LARS2: variants seen among roughly 807,000 people sequenced by gnomAD.
LARS2 encodes the protein leucyl-tRNA synthetase 2, mitochondrial, also known as leucine--tRNA ligase, mitochondrial.
Under a neutral mutation model 116.6 loss-of-function variants are expected in LARS2, and 81 were observed. The observed-to-expected ratio is 0.69, with a 90% CI of 0.58 to 0.84. The LOEUF (loss-of-function observed/expected upper bound fraction) is 0.84, where lower values mean the gene tolerates loss of function less well. LARS2 is among the 40% of genes least tolerant of loss of function. LARS2 has a pLI of 0.00. For missense variants in LARS2, 968 were observed against 1,114.5 expected, an observed-to-expected ratio of 0.87 and a Z score of 1.87; for synonymous variants, 396 against 407.2, an observed-to-expected ratio of 0.97 and a Z score of 0.33.
chr3:45,505,776 A>G (rs187588113), intron 15 of LARS2, among the ~76,000 whole-genome samples: 2 of 152,214 alleles, frequency 1.3e-5, no homozygotes, highest in Non-Finnish European at 2.9e-5. Flanking sequence ...TTAACAGTAG[A>G]GCATATTTCT....
intron 5 of LARS2, among the ~76,000 whole-genome samples, chr3:45,419,268 A>G (rs1456053628): frequency 6.6e-6 from 1 of 152,194 alleles, no homozygotes; most frequent in Non-Finnish European, 1.5e-5. Context: ...CACAATTTAT[A>G]TATTAAGGCT....
intron 20 of LARS2, among the ~76,000 whole-genome samples, chr3:45,530,116 A>G (rs923755722): frequency 3.3e-5 from 5 of 152,244 alleles, no homozygotes; most frequent in African/African-American, 1.2e-4. Context: ...TTAGCAAAAA[A>G]TTAAATTCTC....
chr3:45,406,250 G>T (rs1404785766), intron 4 of LARS2, among the ~76,000 whole-genome samples: 1 of 152,156 alleles, frequency 6.6e-6, no homozygotes, highest in African/African-American at 2.4e-5. Flanking sequence ...ATTTCTCTGT[G>T]TGTCCATGAT....
At chr3:45,418,023 A>G (rs1698458263) in intron 5 of LARS2, among the ~76,000 whole-genome samples, 1 of 152,234 alleles carries the variant, frequency 6.6e-6, no homozygotes, top group Non-Finnish European at 1.5e-5. Flanking sequence ...CATTCCATGT[A>G]GAAATATATG....
At chr3:45,492,527 T>C (rs968299830) in intron 13 of LARS2, among the ~76,000 whole-genome samples, 6 of 152,238 alleles carry the variant, frequency 3.9e-5, no homozygotes, top group Admixed American at 3.9e-4. Context: ...AGAGCTGAGT[T>C]ACTAGGTTGA....
intron 15 of LARS2, among the ~76,000 whole-genome samples, chr3:45,500,983 G>C (rs2125740633): frequency 6.6e-6 from 1 of 151,604 alleles, no homozygotes; most frequent in South Asian, 2.1e-4. Context: ...TGTATAGAGT[G>C]GATTTGAAAT....
intron 7 of LARS2, among the ~76,000 whole-genome samples, chr3:45,452,748 A>G (rs1362198925): frequency 2.6e-5 from 4 of 152,258 alleles, no homozygotes; most frequent in South Asian, 4.1e-4. Flanking sequence ...TTTGAGAAGA[A>G]TGGGTATTAG....
At chr3:45,442,455 T>C (rs1462159951) in intron 6 of LARS2, among the ~76,000 whole-genome samples, 1 of 152,262 alleles carries the variant, frequency 6.6e-6, no homozygotes, top group Non-Finnish European at 1.5e-5. Flanking sequence ...ATAGGAAATT[T>C]ACTACACAAA....
intron 8 of LARS2, among the ~76,000 whole-genome samples, chr3:45,472,875 G>A (rs1376790020): frequency 6.6e-6 from 1 of 152,196 alleles, no homozygotes; most frequent in Non-Finnish European, 1.5e-5. Context: ...AAGATTAAAT[G>A]AGGCAACATA....
chr3:45,438,372 G>T (rs1385372879), intron 6 of LARS2, among the ~76,000 whole-genome samples: 3 of 152,052 alleles, frequency 2.0e-5, no homozygotes, highest in Non-Finnish European at 4.4e-5. Context: ...CCTGGTTACT[G>T]GTTTTGCTTC....
intron 16 of LARS2, among the ~76,000 whole-genome samples, chr3:45,515,496 G>A (rs534913595): frequency 6.6e-6 from 1 of 152,290 alleles, no homozygotes; most frequent in South Asian, 2.1e-4. Context: ...ATCCAAATGC[G>A]GCCATTTAAG....
Position 45,396,725 on chromosome 3 carries a change from C to T in LARS2, c.234+2038C>T, listed in dbSNP as rs371782142. Among the ~76,000 whole-genome samples, 8 of 152,160 alleles carry T rather than the reference C, an allele frequency of 5.3e-5. No homozygotes were observed. The East Asian group carries it at 9.6e-4, about 18-fold the overall frequency. ...CTCATTTAATCCTGAAACAACCCAG[C>T]GGGTAGGTATTATTATCCTCATTTT... On this transcript the variant is annotated intron_variant, in intron 3 of 21. Coordinates refer to ENST00000645846, the MANE Select transcript of LARS2 (RefSeq NM_015340.4).
chr3:45,456,879 G>A (rs1252236518), intron 7 of LARS2, among the ~76,000 whole-genome samples: 1 of 152,166 alleles, frequency 6.6e-6, no homozygotes, highest in African/African-American at 2.4e-5. Context: ...CCCACAGATA[G>A]GTTAGCCTCC....
chr3:45,501,352 C>T (rs936236057), intron 15 of LARS2, among the ~76,000 whole-genome samples: 1 of 151,432 alleles, frequency 6.6e-6, no homozygotes, highest in African/African-American at 2.4e-5. Flanking sequence ...ATAAATGTAT[C>T]GTTTCTGCAT....
rs3774697 is a variant in LARS2, at chr3:45,398,530, A to T, written c.235-1715A>T. ...AGGCCAGGAAGAAAAAACAGAAGGC[A>T]GAAATAAATAAAAGCAGAAGTTCTG... On this transcript the variant is annotated intron_variant, in intron 3 of 21. Transcript: ENST00000645846. 1.7e-3 allele frequency among the ~76,000 whole-genome samples: 258 copies of T among 152,378 alleles called. 6 individuals carry two copies. In the East Asian group the frequency reaches 0.047, roughly 28 times the overall value.
intron 7 of LARS2, among the ~76,000 whole-genome samples, chr3:45,457,683 GA>G (rs912948779): frequency 5.4e-5 from 8 of 148,626 alleles, no homozygotes; most frequent in African/African-American, 1.5e-4. Flanking sequence ...CTGTCTCAAA[GA>G]AAAAAAAAAT....
At chr3:45,463,442 C>A (rs560924077) in intron 8 of LARS2, among the ~76,000 whole-genome samples, 1 of 152,278 alleles carries the variant, frequency 6.6e-6, no homozygotes, top group South Asian at 2.1e-4. Context: ...TCTGTGTTTG[C>A]CTCTCATTTC....
intron 13 of LARS2, among the ~76,000 whole-genome samples, chr3:45,493,601 G>A (rs750829559): frequency 2.6e-5 from 4 of 152,094 alleles, no homozygotes; most frequent in Non-Finnish European, 5.9e-5. Context: ...GAGCAGTATC[G>A]GTCTCATAAT....
intron 4 of LARS2, among the ~76,000 whole-genome samples, chr3:45,408,655 C>A (rs1289826734): frequency 6.6e-6 from 1 of 152,202 alleles, no homozygotes; most frequent in Non-Finnish European, 1.5e-5. Flanking sequence ...CTAGTTCCAT[C>A]TGGGCAGTCC....
Sources: gnomAD v4.1 joint callset for allele counts (sites outside exome capture counted in the v4.1 genomes callset) on GRCh38, gnomAD v4.1.1 for gene constraint, MANE v1.5 for transcripts, NCBI Gene and HGNC (gene_info 2026-07-23, HGNC 2026-07-21) for gene names.